TF: variants seen among roughly 807,000 people sequenced by gnomAD.
TF encodes the protein serotransferrin.
TF carries 55 observed loss-of-function variants against 82.4 expected under a neutral mutation model. The ratio of observed to expected loss-of-function variants is 0.67; its 90% confidence interval spans 0.54 to 0.84. The LOEUF is 0.84. Among genes scored for constraint, TF ranks in the 40% least tolerant of loss-of-function variants. The pLI, the probability that TF is intolerant of heterozygous loss-of-function variation, is 0.00. For missense variants in TF, 737 were observed against 868.4 expected (o/e 0.85, Z 1.90); for synonymous variants, 332 against 332.6 (o/e 1.00, Z 0.02).
intron 9 of TF, among the ~76,000 whole-genome samples, chr3:133,759,611 G>A (rs1358055934): frequency 6.6e-6 from 1 of 152,190 alleles, no homozygotes; most frequent in Non-Finnish European, 1.5e-5. Flanking sequence ...TGGGTGTCCT[G>A]AGACCAGTGG....
intron 11 of TF, 71 bp downstream of exon 11, chr3:133,764,978 A>G (rs1934091997): frequency 2.0e-6 from 3 of 1,531,152 alleles, no homozygotes; most frequent in Non-Finnish European, 1.8e-6. Flanking sequence ...GGTTAGATTT[A>G]AAATTCAAGT....
the TF span, among the ~76,000 whole-genome samples, chr3:133,681,394 G>A: frequency 6.6e-6 from 1 of 152,230 alleles, no homozygotes; most frequent in Non-Finnish European, 1.5e-5. Context: ...ACCCGAAGCA[G>A]GGTGAGACAT....
chr3:133,741,615 G>A (rs1375747602), upstream of TF, among the ~76,000 whole-genome samples: 6 of 152,178 alleles, frequency 3.9e-5, no homozygotes, highest in African/African-American at 1.4e-4. Flanking sequence ...AATTTGCTAA[G>A]AGGTTTTGTT....
chr3:133,762,596 G>A (rs899505201), intron 9 of TF, among the ~76,000 whole-genome samples: 4 of 152,102 alleles, frequency 2.6e-5, no homozygotes, highest in Non-Finnish European at 5.9e-5. Flanking sequence ...AGGGTTTCAG[G>A]TTCCAAGACT....
At chr3:133,738,930 C>A in the TF span, among the ~76,000 whole-genome samples, 2 of 152,172 alleles carry the variant, frequency 1.3e-5, no homozygotes, top group African/African-American at 4.8e-5. Context: ...ATCAAGTTAC[C>A]ATTAACTTTC....
At chr3:133,737,745 C>T in the TF span, among the ~76,000 whole-genome samples, 18 of 152,234 alleles carry the variant, frequency 1.2e-4, no homozygotes, top group African/African-American at 4.1e-4. Context: ...CACATACACC[C>T]TCCCAAGACT....
At chr3:133,769,903 T>C (rs2107928810) in intron 13 of TF, among the ~76,000 whole-genome samples, 1 of 152,352 alleles carries the variant, frequency 6.6e-6, no homozygotes, top group Admixed American at 6.5e-5. Context: ...TGGGGACTTG[T>C]AGCTCAGAGC....
At chr3:133,777,389 T>A in intron 16 of TF, 151 bp downstream of exon 16, 1 of 736,364 alleles carries the variant, frequency 1.4e-6, no homozygotes, top group Non-Finnish European at 2.3e-6. Context: ...AAGCCCGGCA[T>A]GTATGACAGG....
In TF at chr3:133,790,908, T is replaced by C. The variant is rs937003165; in HGVS notation, c.*12288T>C. On this transcript the variant is annotated 3_prime_UTR_variant, in exon 17 of 17. Coordinates refer to ENST00000402696, the MANE Select transcript of TF (RefSeq NM_001063.4). The stretch of plus-strand genomic sequence containing the variant: ...TCATTATGTGGGTTTTGGGGGGCCC[T>C]AGGTAAACACTGTAGCCTCCAGGGT... The C allele has an allele frequency of 6.6e-6, 1 of 152,178 alleles. No homozygotes were observed. The highest frequency in any genetic ancestry group is 2.4e-5 in the African/African-American group (1 of 41,432). 9.4% of individuals were successfully genotyped at this position (152,178 alleles called of 1,614,324 possible).
rs983916831 is a variant in TF, at chr3:133,779,012, G to C, written c.*392G>C. ...TTAAAATATAATCAAATGTATACTG[G>C]TGTGTGTGTGCACGTGCGCGTGCGT... On this transcript the variant is annotated 3_prime_UTR_variant, in exon 17 of 17. Transcript: ENST00000402696. The C allele has an allele frequency of 4.8e-5, 13 of 268,990 alleles. No individual in the cohort carries two copies. The highest frequency in any genetic ancestry group is 9.4e-5 in the Non-Finnish European group (13 of 138,622). The allele number at this position is 268,990 out of a possible 1,614,324, so 16.7% of individuals were successfully genotyped here. A position where few individuals can be genotyped will look rare whatever the true frequency, so the allele number is the denominator to read the frequency against.
intron 15 of TF, 57 bp from the exon 16 acceptor site, chr3:133,776,992 G>C (rs1450522588): frequency 6.7e-7 from 1 of 1,494,446 alleles, no homozygotes; most frequent in African/African-American, 1.4e-5. Context: ...TCTCATCCAT[G>C]TGTTCCCAGC....
intron 2 of TF, 141 bp downstream of exon 2, chr3:133,748,725 G>A (rs1313447629): frequency 2.6e-5 from 29 of 1,117,696 alleles, no homozygotes; most frequent in Non-Finnish European, 3.8e-5. Flanking sequence ...CACTTCAAAA[G>A]TGGAAATGGG....
the TF span, among the ~76,000 whole-genome samples, chr3:133,737,257 T>C: frequency 6.6e-6 from 1 of 152,158 alleles, no homozygotes; most frequent in African/African-American, 2.4e-5. Flanking sequence ...AATAAGTTCT[T>C]TGAAACCAAT....
In TF at chr3:133,782,467, G is replaced by C. The variant is rs980226174; in HGVS notation, c.*3847G>C. The C allele has an allele frequency of 2.0e-5, 3 of 151,810 alleles. No homozygotes were observed. Among genetic ancestry groups the C allele is most frequent in the Non-Finnish European group, 4.4e-5 (3 of 67,994 alleles). The allele number at this position is 151,810 out of a possible 1,614,324, so 9.4% of individuals were successfully genotyped here. ...ATGGAATATTATTCAGCCCTAAAAA[G>C]AATATCTTGCCATTTGCCACAACAT... is the stretch of plus-strand genomic sequence containing the variant. On this transcript the variant is annotated 3_prime_UTR_variant, in exon 17 of 17. Transcript: ENST00000402696.
chr3:133,721,074 C>G, the TF span, among the ~76,000 whole-genome samples: 1 of 151,852 alleles, frequency 6.6e-6, no homozygotes, highest in African/African-American at 2.4e-5. Flanking sequence ...TGAACTGTTT[C>G]TTTAATCTCT....
In TF at chr3:133,770,587, T is replaced by C; in HGVS notation, c.1687+15T>C. On this transcript the variant is annotated intron_variant, in intron 14 of 16. Transcript: ENST00000402696. ...GAACACTGGGGGTAAGTGCACCTGC[T>C]CCTCTGTCCCCCTAGATCACTAGAT... 6.2e-7 allele frequency: 1 copy of C among 1,613,906 alleles called. No individual in the cohort carries two copies. The highest frequency in any genetic ancestry group is 1.1e-5 in the South Asian group (1 of 91,068).
intron 9 of TF, chr3:133,761,166 A>G (rs1270363633): frequency 4.8e-6 from 1 of 208,808 alleles, no homozygotes; most frequent in Non-Finnish European, 1.0e-5. Context: ...TTCCAAAGGG[A>G]GTCATCATCT....
At position 133,778,757 on chromosome 3, in the gene TF, AC is replaced by A. The variant is rs1559880795; in HGVS notation, c.*138del. The A allele has an allele frequency of 1.3e-6, 1 of 750,228 alleles. No individual in the cohort carries two copies. The highest frequency in any genetic ancestry group is 2.2e-6 in the Non-Finnish European group (1 of 456,306). The allele number at this position is 750,228 out of a possible 1,614,324, so 46.5% of individuals were successfully genotyped here. The stretch of plus-strand genomic sequence containing the variant: ...AGCTCTGTGTTGCCATGTGTGCTGA[AC>A]AAAAAATAAAAATTATTATTGATTT... On this transcript the variant is annotated 3_prime_UTR_variant, in exon 17 of 17. Transcript: ENST00000402696.
chr3:133,684,314 C>T, the TF span, among the ~76,000 whole-genome samples: 1 of 152,072 alleles, frequency 6.6e-6, no homozygotes, highest in African/African-American at 2.4e-5. Context: ...AGAGCAAACG[C>T]ATTCAAAAGC....
Sources: gnomAD v4.1 joint callset for allele counts (sites outside exome capture counted in the v4.1 genomes callset) on GRCh38, gnomAD v4.1.1 for gene constraint, MANE v1.5 for transcripts, NCBI Gene and HGNC (gene_info 2026-07-23, HGNC 2026-07-21) for gene names.